MYO18B: variants seen among roughly 807,000 people sequenced by gnomAD.
The protein encoded by MYO18B is unconventional myosin-XVIIIb.
MYO18B carries 204 observed loss-of-function variants against 273.0 expected under a neutral mutation model. The ratio of observed to expected loss-of-function variants is 0.75; its 90% CI spans 0.67 to 0.84. The LOEUF is 0.84. Ranked by LOEUF, MYO18B falls within the 40% of genes least tolerant of loss-of-function variation. The probability of loss-of-function intolerance (pLI) is 0.00; values close to 1 mark genes in which losing one functional copy is unlikely to be tolerated. For synonymous variants in MYO18B, 1,330 were observed against 1,305.7 expected (o/e 1.02, Z -0.40); for missense variants, 3,212 against 3,287.6 (o/e 0.98, Z 0.56).
At chr22:25,793,569 G>A (rs983952998) in intron 11 of MYO18B, among the ~76,000 whole-genome samples, 8 of 151,948 alleles carry the variant, frequency 5.3e-5, no homozygotes, top group Non-Finnish European at 1.2e-4. Context: ...TGCAAACTGA[G>A]CCTCCATGCA....
At chr22:25,775,277 C>T (rs1457170596) in intron 7 of MYO18B, among the ~76,000 whole-genome samples, 1 of 152,188 alleles carries the variant, frequency 6.6e-6, no homozygotes, top group East Asian at 1.9e-4. Context: ...GATAGGGACT[C>T]ATGACTGTTC....
At chr22:25,951,874 T>C (rs1361337848) in intron 37 of MYO18B, among the ~76,000 whole-genome samples, 1 of 152,194 alleles carries the variant, frequency 6.6e-6, no homozygotes, top group African/African-American at 2.4e-5. Flanking sequence ...AGGAACTGAC[T>C]TTCTCAGACT....
intron 1 of MYO18B, among the ~76,000 whole-genome samples, chr22:25,758,406 T>TA (rs777549475): frequency 1.3e-5 from 2 of 151,448 alleles, no homozygotes; most frequent in Non-Finnish European, 2.9e-5. Flanking sequence ...GTAGCGACAT[T>TA]ATTCGTAGTG....
intron 1 of MYO18B, among the ~76,000 whole-genome samples, chr22:25,747,210 A>G (rs1322908745): frequency 1.3e-5 from 2 of 152,256 alleles, no homozygotes; most frequent in Non-Finnish European, 1.5e-5. Flanking sequence ...ACCTGTTACC[A>G]AAAGTCTAAC....
intron 33 of MYO18B, 23 bp from the exon 34 acceptor site, chr22:25,921,234 A>G: frequency 3.9e-6 from 6 of 1,542,478 alleles, no homozygotes; most frequent in Non-Finnish European, 4.4e-6. Context: ...ACCTAAGCTC[A>G]TGGGTCTCCC....
chr22:25,851,635 T>C (rs1487425367), intron 21 of MYO18B, 56 bp downstream of exon 21: 7 of 1,307,484 alleles, frequency 5.4e-6, no homozygotes, highest in Non-Finnish European at 7.6e-6. Flanking sequence ...ATGTTGGTTA[T>C]TGGACATGTT....
chr22:25,880,085 G>A (rs2091297489), intron 25 of MYO18B, among the ~76,000 whole-genome samples: 1 of 152,144 alleles, frequency 6.6e-6, no homozygotes, highest in Non-Finnish European at 1.5e-5. Context: ...GTTGCATGTG[G>A]TCAGCAAGCC....
intron 40 of MYO18B, among the ~76,000 whole-genome samples, chr22:25,997,978 C>CACACACACACGAGAGAGAGAGAGAGAGA (rs34431605): frequency 5.5e-5 from 8 of 144,634 alleles, no homozygotes; most frequent in Non-Finnish European, 3.0e-5. Context: ...CACACACACA[C>CACACACACACGAGAGAGAGAGAGAGAGA]GAGAGAGAGA....
chr22:25,871,867 G>T (rs867791188), intron 22 of MYO18B, among the ~76,000 whole-genome samples: 5 of 152,168 alleles, frequency 3.3e-5, no homozygotes, highest in African/African-American at 9.7e-5. Context: ...TTCTGTGTAT[G>T]GTTGTTTCCA....
intron 34 of MYO18B, among the ~76,000 whole-genome samples, chr22:25,930,990 G>T (rs1226055021): frequency 6.6e-6 from 1 of 152,146 alleles, no homozygotes; most frequent in Non-Finnish European, 1.5e-5. Context: ...TGTCATCCAT[G>T]CTTCCATGAG....
chr22:25,758,760 A>T (rs1336396852), intron 1 of MYO18B, among the ~76,000 whole-genome samples: 3 of 143,756 alleles, frequency 2.1e-5, no homozygotes, highest in Non-Finnish European at 4.6e-5. Context: ...GGTGATGAGA[A>T]TTTTTTTTTT....
In MYO18B at chr22:25,769,290, C is replaced by G. The variant is rs1285703113; in HGVS notation, c.1374C>G (p.Ala458=). The G allele has an allele frequency of 6.3e-7, 1 of 1,583,260 alleles. No homozygotes were observed. The highest frequency in any genetic ancestry group is 2.3e-5 in the East Asian group (1 of 43,210). The stretch of plus-strand genomic sequence containing the variant: ...CAAGAGCAGGTGATGGGGCTGGTGC[C>G]CTGGAGACAGAGCTGGAAGGACCCA... ...PCSRAGDGAG[A]LETELEGPSQ... The change falls in exon 4 of 44, where the codon GCC becomes GCG. Residue 458 remains alanine, a synonymous_variant. Transcript: ENST00000335473.
intron 15 of MYO18B, among the ~76,000 whole-genome samples, chr22:25,832,316 A>G (rs201023599): frequency 1.3e-5 from 2 of 152,306 alleles, no homozygotes; most frequent in East Asian, 3.9e-4. Flanking sequence ...AGATTGCAAC[A>G]TTATTCACAA....
chr22:25,979,453 G>A (rs1324625297), intron 39 of MYO18B, among the ~76,000 whole-genome samples: 16 of 152,140 alleles, frequency 1.1e-4, no homozygotes. Flanking sequence ...AGAGCAACTG[G>A]GTGGTTGACT....
intron 34 of MYO18B, among the ~76,000 whole-genome samples, chr22:25,944,209 T>C (rs1219028107): frequency 6.6e-6 from 1 of 152,224 alleles, no homozygotes; most frequent in African/African-American, 2.4e-5. Flanking sequence ...TCACTTCTTC[T>C]GTCCATTATG....
At chr22:25,895,083 AG>A in intron 27 of MYO18B, 72 bp from the exon 28 acceptor site, 1 of 1,536,358 alleles carries the variant, frequency 6.5e-7, no homozygotes, top group South Asian at 1.2e-5. Context: ...AAGAAAGTGG[AG>A]GAGAGCCACT....
At chr22:26,006,128 A>G (rs1393260351) in intron 42 of MYO18B, among the ~76,000 whole-genome samples, 1 of 152,196 alleles carries the variant, frequency 6.6e-6, no homozygotes, top group Non-Finnish European at 1.5e-5. Context: ...GCCAGAGAAG[A>G]ATGTGAATGC....
Position 25,768,348 on chromosome 22 carries a change from C to T in MYO18B, c.432C>T (p.Phe144=). 1 of 1,613,722 alleles carries T rather than the reference C, an allele frequency of 6.2e-7. No homozygotes were observed. The highest frequency in any genetic ancestry group is 8.5e-7 in the Non-Finnish European group (1 of 1,179,748). Residue 144 remains phenylalanine (F), a synonymous_variant, in exon 4 of 44, where the codon TTC becomes TTT. Transcript: ENST00000335473. ...SATPTKKTVP[F]KRGVRRGDVL... is the part of the protein sequence containing the mutation. Reference sequence around the variant, plus strand: ...CACCAACCAAAAAGACTGTCCCCTTCAAGAGGGGCGTGAGGAGGGGTGATG... The same window carrying T: ...CACCAACCAAAAAGACTGTCCCCTTTAAGAGGGGCGTGAGGAGGGGTGATG...
At chr22:25,940,617 G>C (rs2092632652) in intron 34 of MYO18B, among the ~76,000 whole-genome samples, 1 of 152,116 alleles carries the variant, frequency 6.6e-6, no homozygotes, top group South Asian at 2.1e-4. Flanking sequence ...ACATGATACT[G>C]TGTGATGTTA....
Sources: allele counts gnomAD v4.1 joint callset (sites outside exome capture counted in the v4.1 genomes callset), GRCh38; gene constraint gnomAD v4.1.1; transcripts MANE v1.5; gene names NCBI Gene and HGNC (gene_info 2026-07-23, HGNC 2026-07-21).